The following CNIH3 variants were observed in gnomAD, a reference collection of about 807,000 sequenced individuals.
The protein encoded by CNIH3 is cornichon family AMPA receptor auxiliary protein 3, also known as protein cornichon homolog 3.
A neutral mutation model predicts 24.1 loss-of-function variants in CNIH3; 14 were observed. The observed-to-expected ratio is 0.58, with a 90% CI of 0.38 to 0.91. The LOEUF (loss-of-function observed/expected upper bound fraction) is 0.91, where lower values mean the gene tolerates loss of function less well. Ranked by LOEUF, CNIH3 falls within the 40% of genes least tolerant of loss-of-function variation. CNIH3 has a pLI of 0.00. For missense variants in CNIH3, 178 were observed against 196.8 expected, an observed-to-expected ratio of 0.90 and a Z score of 0.57; for synonymous variants, 68 against 73.8, an observed-to-expected ratio of 0.92 and a Z score of 0.40.
intron 5 of CNIH3, among the ~76,000 whole-genome samples, chr1:224,738,674 G>T (rs1386646376): frequency 6.6e-6 from 1 of 152,156 alleles, no homozygotes; most frequent in Non-Finnish European, 1.5e-5. Context: ...TTACCCTGAA[G>T]CCCTTACTAA....
At chr1:224,436,168 A>G (rs951034162) in intron 1 of CNIH3, among the ~76,000 whole-genome samples, 28 of 152,302 alleles carry the variant, frequency 1.8e-4, no homozygotes, top group Admixed American at 5.9e-4. Context: ...TCCAGGTGGC[A>G]GCTGTAATTG....
At chr1:224,723,722 C>T (rs1688867095) in intron 3 of CNIH3, among the ~76,000 whole-genome samples, 1 of 152,234 alleles carries the variant, frequency 6.6e-6, no homozygotes, top group Non-Finnish European at 1.5e-5. Context: ...TAATCTGCTA[C>T]TGGTTTCCCT....
intron 1 of CNIH3, among the ~76,000 whole-genome samples, chr1:224,657,361 A>G (rs894668707): frequency 1.4e-4 from 22 of 152,190 alleles, no homozygotes. Flanking sequence ...ATATTAAGCC[A>G]TAAAGTAAGA....
chr1:224,646,460 C>A (rs1223862394), intron 1 of CNIH3, among the ~76,000 whole-genome samples: 2 of 152,192 alleles, frequency 1.3e-5, no homozygotes, highest in Admixed American at 6.5e-5. Flanking sequence ...GGCTGGAGTG[C>A]AGTGGCACAG....
At chr1:224,487,096 C>G (rs1677059528) in intron 1 of CNIH3, among the ~76,000 whole-genome samples, 1 of 152,170 alleles carries the variant, frequency 6.6e-6, no homozygotes, top group Admixed American at 6.5e-5. Context: ...ATTCTATTTT[C>G]TAACAGAAAT....
chr1:224,697,653 A>C (rs1048406150), intron 3 of CNIH3, among the ~76,000 whole-genome samples: 6 of 152,092 alleles, frequency 3.9e-5, no homozygotes, highest in Non-Finnish European at 8.8e-5. Flanking sequence ...ATTTTCCAGA[A>C]TGTGATGAGA....
chr1:224,686,708 A>G (rs139909335), intron 3 of CNIH3, among the ~76,000 whole-genome samples: 10 of 152,302 alleles, frequency 6.6e-5, no homozygotes, highest in African/African-American at 2.4e-4. Flanking sequence ...TTCCATATCC[A>G]TCACCTTTTA....
intron 1 of CNIH3, among the ~76,000 whole-genome samples, chr1:224,463,777 T>A (rs1235335603): frequency 1.0e-3 from 18 of 17,878 alleles, no homozygotes; most frequent in African/African-American, 1.7e-3. Context: ...GTCCTCATTT[T>A]TTTTTTTTTT....
intron 3 of CNIH3, among the ~76,000 whole-genome samples, chr1:224,599,014 T>G (rs1030083869): frequency 1.3e-5 from 2 of 152,176 alleles, no homozygotes; most frequent in Non-Finnish European, 2.9e-5. Context: ...GCATAATATT[T>G]ATTATTAACA....
intron 1 of CNIH3, among the ~76,000 whole-genome samples, chr1:224,516,409 A>G (rs186473738): frequency 6.6e-6 from 1 of 151,738 alleles, no homozygotes. Context: ...TTCCTAGTCA[A>G]CTCCAGGTGC....
At position 224,552,694 on chromosome 1, in the gene CNIH3, T is replaced by A. The variant is rs2124968974; in HGVS notation, n.450+5755T>A. On this transcript the variant is annotated intron_variant and non_coding_transcript_variant, in intron 3 of 5. Transcript: ENST00000471578. ...TAACATCACAGGGTGGACTGTGATTTTAGGAGTAATGTATCTCGCTTAGAT... is the reference window on the plus strand; with the variant it reads ...TAACATCACAGGGTGGACTGTGATTATAGGAGTAATGTATCTCGCTTAGAT... Among the ~76,000 whole-genome samples, 2 of 151,552 alleles carry A rather than the reference T, an allele frequency of 1.3e-5. 1 individual carries two copies. The highest frequency in any genetic ancestry group is 3.9e-4 in the East Asian group (2 of 5,154).
chr1:224,630,462 A>G (rs1683763688), intron 1 of CNIH3, among the ~76,000 whole-genome samples: 1 of 152,148 alleles, frequency 6.6e-6, no homozygotes, highest in African/African-American at 2.4e-5. Flanking sequence ...TGATTTAAAA[A>G]ACAACCAGAT....
chr1:224,540,832 T>G (rs1679484536), downstream of CNIH3, among the ~76,000 whole-genome samples: 1 of 152,252 alleles, frequency 6.6e-6, no homozygotes, highest in African/African-American at 2.4e-5. Context: ...AATTTCATAC[T>G]TAAAGTAATT....
At chr1:224,562,022 T>TGTCAC (rs199740834) in intron 3 of CNIH3, among the ~76,000 whole-genome samples, 3,078 of 152,254 alleles carry the variant, frequency 0.02, 105 homozygotes, top group African/African-American at 0.07. Flanking sequence ...ACCTCCAACA[T>TGTCAC]TGAGACTTGA....
chr1:224,655,282 C>G (rs1685045927), intron 1 of CNIH3, among the ~76,000 whole-genome samples: 1 of 152,230 alleles, frequency 6.6e-6, no homozygotes, highest in Admixed American at 6.5e-5. Context: ...TAATAAGATC[C>G]TTGTGTCTTC....
At chr1:224,664,853 G>T (rs1685521141) in intron 1 of CNIH3, 1 of 152,120 alleles carries the variant, frequency 6.6e-6, no homozygotes, top group African/African-American at 2.4e-5. Context: ...TCCTGCCTCA[G>T]CCTCTTGAGT....
chr1:224,648,462 G>T (rs1386038672), intron 1 of CNIH3, among the ~76,000 whole-genome samples: 1 of 151,794 alleles, frequency 6.6e-6, no homozygotes, highest in African/African-American at 2.4e-5. Context: ...CTGTGGGAAG[G>T]GATGAGTTTA....
At chr1:224,723,847 G>C (rs1229119339) in intron 3 of CNIH3, among the ~76,000 whole-genome samples, 2 of 152,154 alleles carry the variant, frequency 1.3e-5, no homozygotes, top group African/African-American at 4.8e-5. Flanking sequence ...AACAGCAAAG[G>C]GTTTTGAGTC....
intron 1 of CNIH3, among the ~76,000 whole-genome samples, chr1:224,649,691 G>T (rs1028719250): frequency 2.6e-5 from 4 of 152,160 alleles, no homozygotes; most frequent in Admixed American, 6.5e-5. Flanking sequence ...CCCGAGGAAA[G>T]AAATCCCAGC....
Sources: allele counts gnomAD v4.1 joint callset (sites outside exome capture counted in the v4.1 genomes callset), GRCh38; gene constraint gnomAD v4.1.1; transcripts MANE v1.5; gene names NCBI Gene and HGNC (gene_info 2026-07-23, HGNC 2026-07-21).